Variants in TRIP4 observed in about 807,000 individuals in gnomAD.
TRIP4 encodes the protein thyroid hormone receptor interactor 4, also known as activating signal cointegrator 1.
In TRIP4, 54 loss-of-function variants were observed where a neutral mutation model predicts 81.8. That is an observed-to-expected ratio of 0.66 (90% CI 0.53 to 0.83). The LOEUF (loss-of-function observed/expected upper bound fraction) is 0.83. TRIP4 is among the 40% of genes least tolerant of loss of function. The pLI, the probability that TRIP4 is intolerant of heterozygous loss-of-function variation, is 0.00. For missense variants in TRIP4, 662 were observed against 683.6 expected (o/e 0.97, Z 0.35); for synonymous variants, 270 against 242.8 (o/e 1.11, Z -1.04).
chr15:64,433,946 G>A (rs899928032), intron 11 of TRIP4, among the ~76,000 whole-genome samples: 5 of 151,720 alleles, frequency 3.3e-5, no homozygotes, highest in African/African-American at 1.2e-4. Context: ...ATCAGTTATC[G>A]TTAGTGTATT....
intron 12 of TRIP4, among the ~76,000 whole-genome samples, chr15:64,449,408 C>A (rs536655085): frequency 6.6e-6 from 1 of 151,316 alleles, no homozygotes; most frequent in South Asian, 2.1e-4. Context: ...ACTGTGTTGC[C>A]TAGACTGGCC....
chr15:64,409,702 T>G lies in TRIP4; in HGVS notation c.917T>G (p.Leu306Trp), dbSNP rs202126137. The stretch of plus-strand genomic sequence containing the variant: ...TTGTCCAAACTTGAGCGGGAAACCT[T>G]GCAGAAGCGAGAGGAGGAGCTGAGA... ...QWLSKLERET[L>W]QKREEELREL... is the part of the protein sequence containing the mutation. Residue 306 changes from leucine to tryptophan, a missense_variant, in exon 7 of 13, where the codon TTG becomes TGG. Coordinates refer to ENST00000261884, the MANE Select transcript of TRIP4 (RefSeq NM_016213.5). 6.9e-5 allele frequency: 112 copies of G among 1,614,050 alleles called. No homozygotes were observed. Among genetic ancestry groups the G allele is most frequent in the Non-Finnish European group, 4.2e-6 (5 of 1,180,044 alleles).
In TRIP4 at chr15:64,406,426, A is replaced by G. The variant is rs761051245; in HGVS notation, c.794A>G (p.His265Arg). 1.2e-6 allele frequency: 2 copies of G among 1,614,164 alleles called. No homozygotes were observed. Among genetic ancestry groups the G allele is most frequent in the Non-Finnish European group, 8.5e-7 (1 of 1,180,018 alleles). Residue 265 changes from histidine to arginine, a missense_variant, in exon 6 of 13, where the codon CAT becomes CGT. Coordinates refer to ENST00000261884, the MANE Select transcript of TRIP4 (RefSeq NM_016213.5). ...TCTGGTCTGGAGAAGGCTATCAAGCATAAAGACAAACTGTTAGAGTTTGAC... is the reference window on the plus strand; with the variant it reads ...TCTGGTCTGGAGAAGGCTATCAAGCGTAAAGACAAACTGTTAGAGTTTGAC... The part of the protein sequence containing the change: ...IKSGLEKAIK[H>R]KDKLLEFDRT...
intron 11 of TRIP4, among the ~76,000 whole-genome samples, chr15:64,436,496 G>T (rs1439950670): frequency 6.6e-6 from 1 of 151,358 alleles, no homozygotes; most frequent in Non-Finnish European, 1.5e-5. Context: ...GGAGGCTGAG[G>T]CAGAGAATCA....
At chr15:64,444,603 T>C (rs1892582371) in intron 11 of TRIP4, 1 of 152,728 alleles carries the variant, frequency 6.5e-6, no homozygotes, top group Non-Finnish European at 1.5e-5. Context: ...GTTTTATTTT[T>C]CTTAAGTCTT....
At chr15:64,396,923 C>T (rs28407207) in intron 3 of TRIP4, among the ~76,000 whole-genome samples, 2,542 of 152,248 alleles carry the variant, frequency 0.017, 64 homozygotes, top group African/African-American at 0.058. Context: ...TTCTCTTTTT[C>T]AGTTTAGCCA....
chr15:64,397,503 G>A, intron 3 of TRIP4, 103 bp from the exon 4 acceptor site: 3 of 1,084,088 alleles, frequency 2.8e-6, no homozygotes, highest in Non-Finnish European at 3.9e-6. Flanking sequence ...TTGGTTCTTG[G>A]ATAGTATATA....
chr15:64,429,265 C>T (rs1018730066), intron 11 of TRIP4, among the ~76,000 whole-genome samples: 5 of 151,612 alleles, frequency 3.3e-5, no homozygotes, highest in African/African-American at 4.9e-5. Context: ...TGCAGTGAGC[C>T]GAGATTGTGC....
intron 6 of TRIP4, among the ~76,000 whole-genome samples, chr15:64,407,153 CAGAG>C (rs1891641443): frequency 6.6e-6 from 1 of 152,018 alleles, no homozygotes; most frequent in Admixed American, 6.6e-5. Context: ...TGAGGGTCCT[CAGAG>C]AGACCCTGAA....
intron 5 of TRIP4, among the ~76,000 whole-genome samples, chr15:64,404,378 T>A (rs1353675430): frequency 6.6e-6 from 1 of 152,112 alleles, no homozygotes; most frequent in Non-Finnish European, 1.5e-5. Flanking sequence ...TGGAGTGCAG[T>A]GGCGTGATCT....
At chr15:64,440,468 T>TC (rs1377165621) in intron 11 of TRIP4, among the ~76,000 whole-genome samples, 1 of 151,172 alleles carries the variant, frequency 6.6e-6, no homozygotes, top group Non-Finnish European at 1.5e-5. Flanking sequence ...TCTTTTTTTT[T>TC]TTTTGGAGGT....
intron 11 of TRIP4, among the ~76,000 whole-genome samples, chr15:64,432,755 C>G (rs1483435002): frequency 6.7e-6 from 1 of 148,326 alleles, no homozygotes; most frequent in Non-Finnish European, 1.5e-5. Flanking sequence ...ACTAAAAATA[C>G]AAAAAATTAG....
intron 8 of TRIP4, among the ~76,000 whole-genome samples, chr15:64,416,007 T>G (rs993177935): frequency 2.6e-5 from 4 of 152,130 alleles, no homozygotes; most frequent in African/African-American, 9.7e-5. Context: ...CATGGAAAGA[T>G]GATGCCAGCC....
At chr15:64,429,247 G>T (rs537213867) in intron 11 of TRIP4, among the ~76,000 whole-genome samples, 14 of 152,056 alleles carry the variant, frequency 9.2e-5, no homozygotes, top group Admixed American at 3.3e-4. Flanking sequence ...AACCTGGGAG[G>T]CAGAGGTTGC....
At chr15:64,397,895 C>A in intron 4 of TRIP4, 77 bp downstream of exon 4, 3 of 1,505,484 alleles carry the variant, frequency 2.0e-6, no homozygotes, top group Non-Finnish European at 2.7e-6. Flanking sequence ...CAAGTAATTT[C>A]TCTTTTTTTG....
At chr15:64,406,557 A>T in intron 6 of TRIP4, 98 bp downstream of exon 6, 11 of 1,436,322 alleles carry the variant, frequency 7.7e-6, no homozygotes, top group Non-Finnish European at 1.0e-5. Flanking sequence ...GTGGAGTGTG[A>T]AAGAGTTTAT....
Position 64,406,410 on chromosome 15 carries a change from GAGA to G in TRIP4, c.781_783del (p.Lys261del). 6.2e-7 allele frequency: 1 copy of G among 1,614,158 alleles called. No individual in the cohort carries two copies. The highest frequency in any genetic ancestry group is 8.5e-7 in the Non-Finnish European group (1 of 1,180,028). The stretch of plus-strand genomic sequence containing the variant: ...AGAATTGCGAATTAAGTCTGGTCTG[GAGA>G]AGGCTATCAAGCATAAAGACAAACT... On this transcript the variant is annotated inframe_deletion, in exon 6 of 13. Transcript: ENST00000261884.
At chr15:64,454,694 C>T (rs1201951698) in intron 12 of TRIP4, among the ~76,000 whole-genome samples, 2 of 152,100 alleles carry the variant, frequency 1.3e-5, no homozygotes, top group Non-Finnish European at 1.5e-5. Context: ...AAAAATTTGC[C>T]GTAGCATCAA....
intron 12 of TRIP4, among the ~76,000 whole-genome samples, chr15:64,453,022 C>T (rs1892806097): frequency 6.6e-6 from 1 of 151,772 alleles, no homozygotes; most frequent in Non-Finnish European, 1.5e-5. Context: ...CTATCTCTAC[C>T]AAAAAATAAA....
Sources: gnomAD v4.1 joint callset for allele counts (sites outside exome capture counted in the v4.1 genomes callset) on GRCh38, gnomAD v4.1.1 for gene constraint, MANE v1.5 for transcripts, NCBI Gene and HGNC (gene_info 2026-07-23, HGNC 2026-07-21) for gene names.